Variants in GRB14 observed in about 807,000 individuals in gnomAD.
The protein encoded by GRB14 is growth factor receptor bound protein 14.
A neutral mutation model predicts 69.1 loss-of-function variants in GRB14; 38 were observed. The ratio of observed to expected loss-of-function variants is 0.55; its 90% CI spans 0.42 to 0.72. GRB14 has a LOEUF of 0.72. Among genes scored for constraint, GRB14 ranks in the 30% least tolerant of loss-of-function variants. GRB14 has a pLI of 0.00. For synonymous variants in GRB14, 247 were observed against 241.3 expected, an observed-to-expected ratio of 1.02 and a Z score of -0.22; for missense variants, 666 against 666.1, an observed-to-expected ratio of 1.00 and a Z score of 0.00.
At chr2:164,614,728 T>C (rs1425777580) in intron 2 of GRB14, among the ~76,000 whole-genome samples, 26 of 152,192 alleles carry the variant, frequency 1.7e-4, no homozygotes, top group Non-Finnish European at 5.9e-5. Flanking sequence ...TTCTCTTCTT[T>C]TACTTCTATG....
rs12477157 is a variant in GRB14, at chr2:164,522,840, C to T, written c.679-723G>A. Among the ~76,000 whole-genome samples the T allele has an allele frequency of 9.5e-3, 1,442 of 152,116 alleles. 59 individuals carry two copies. The highest frequency in any genetic ancestry group is 0.076 in the Admixed American group (1,156 of 15,240). ...GAGTCTTTCTCCACTCCCTTGAATG[C>T]GAGCAAGCCTGTCATTGCTTTGACC... On this transcript the variant is annotated intron_variant, in intron 5 of 13. Coordinates refer to ENST00000263915, the MANE Select transcript of GRB14 (RefSeq NM_004490.3).
intron 7 of GRB14, 36 bp from the exon 8 acceptor site, chr2:164,508,586 A>G (rs1208323690): frequency 3.2e-6 from 5 of 1,575,574 alleles, no homozygotes; most frequent in Middle Eastern, 1.7e-4. Context: ...TCGTTAATGC[A>G]TATCTTGAAG....
Position 164,527,138 on chromosome 2 carries a change from G to A in GRB14, c.482-3C>T. 1 of 1,472,370 alleles carries A rather than the reference G, an allele frequency of 6.8e-7. No homozygotes were observed. Among genetic ancestry groups the A allele is most frequent in the Non-Finnish European group, 9.2e-7 (1 of 1,084,774 alleles). The allele number at this position is 1,472,370 out of a possible 1,614,324, so 91.2% of individuals were successfully genotyped here. On this transcript the variant is annotated splice_region_variant and splice_polypyrimidine_tract_variant and intron_variant, in intron 3 of 13. Transcript: ENST00000263915. ...TTCGTGGTCTTCTATTGTTCTTTCT[G>A]TAAAGAATGTTTCAATGAGTATGTT...
chr2:164,512,382 G>T (rs565760932), intron 6 of GRB14, among the ~76,000 whole-genome samples: 9 of 152,110 alleles, frequency 5.9e-5, no homozygotes, highest in Admixed American at 2.0e-4. Flanking sequence ...GGCCAGGCTG[G>T]TCTCTAACTC....
At chr2:164,538,439 C>T (rs765309692) in intron 3 of GRB14, among the ~76,000 whole-genome samples, 2 of 152,172 alleles carry the variant, frequency 1.3e-5, no homozygotes, top group African/African-American at 4.8e-5. Context: ...ATCTGGGGAA[C>T]TATAGTGACA....
At chr2:164,516,560 G>A (rs951695798) in intron 6 of GRB14, among the ~76,000 whole-genome samples, 2 of 151,476 alleles carry the variant, frequency 1.3e-5, no homozygotes, top group Non-Finnish European at 2.9e-5. Flanking sequence ...GGCTAGAAGG[G>A]ATTGGGGCCC....
At position 164,525,085 on chromosome 2, in the gene GRB14, A is replaced by G. The variant is rs1687735351; in HGVS notation, c.604-7T>C. 1 of 1,533,680 alleles carries G rather than the reference A, an allele frequency of 6.5e-7. No individual in the cohort carries two copies. Among genetic ancestry groups the G allele is most frequent in the Non-Finnish European group, 9.0e-7 (1 of 1,115,516 alleles). The stretch of plus-strand genomic sequence containing the variant: ...TATGCTCTGGAAAAAAATACTGTCA[A>G]AAAGACACAGTTAAATTATCACAAA... On this transcript the variant is annotated splice_polypyrimidine_tract_variant and splice_region_variant and intron_variant, in intron 4 of 13. Transcript: ENST00000263915.
intron 2 of GRB14, among the ~76,000 whole-genome samples, chr2:164,555,085 C>A (rs1688644411): frequency 6.6e-6 from 1 of 152,214 alleles, no homozygotes; most frequent in South Asian, 2.1e-4. Context: ...TCTGCATCAC[C>A]TGAAATTCTA....
At chr2:164,553,982 GA>G (rs1217704693) in intron 2 of GRB14, among the ~76,000 whole-genome samples, 2 of 151,968 alleles carry the variant, frequency 1.3e-5, no homozygotes, top group African/African-American at 4.8e-5. Context: ...TATATAAAAG[GA>G]AAAGACAACT....
chr2:164,518,111 T>C (rs1687542594), intron 6 of GRB14, among the ~76,000 whole-genome samples: 1 of 152,206 alleles, frequency 6.6e-6, no homozygotes, highest in African/African-American at 2.4e-5. Flanking sequence ...GTAGACCATA[T>C]GATACGCCAC....
At chr2:164,574,592 G>C (rs934968421) in intron 2 of GRB14, among the ~76,000 whole-genome samples, 5 of 151,990 alleles carry the variant, frequency 3.3e-5, no homozygotes, top group Non-Finnish European at 5.9e-5. Context: ...CCGCACAGAA[G>C]AAAACCAAAA....
rs377565188 is a variant in GRB14, at chr2:164,579,463, A to G, written c.325-31647T>C. 7.9e-5 allele frequency among the ~76,000 whole-genome samples: 12 copies of G among 151,906 alleles called. No homozygotes were observed. In the East Asian group the frequency reaches 1.2e-3, roughly 15 times the overall value. On this transcript the variant is annotated intron_variant, in intron 2 of 13. Coordinates refer to ENST00000263915, the MANE Select transcript of GRB14 (RefSeq NM_004490.3). ...AGCTCAGGGCTCAAGGTGGGAACCT[A>G]CCCTGGCCAGGACCTCATTTTATTA...
At chr2:164,607,030 C>T (rs193107852) in intron 2 of GRB14, among the ~76,000 whole-genome samples, 2 of 152,298 alleles carry the variant, frequency 1.3e-5, no homozygotes, top group Admixed American at 1.3e-4. Context: ...AAGAACAGAA[C>T]CCATTCTGAC....
chr2:164,500,450 A>T (rs73971021), intron 9 of GRB14, among the ~76,000 whole-genome samples: 1 of 152,102 alleles, frequency 6.6e-6, no homozygotes, highest in African/African-American at 2.4e-5. Flanking sequence ...CTAAAAACTT[A>T]TATGTTAATC....
chr2:164,502,920 T>G (rs1423407848), intron 8 of GRB14, among the ~76,000 whole-genome samples: 1 of 152,096 alleles, frequency 6.6e-6, no homozygotes, highest in Non-Finnish European at 1.5e-5. Context: ...GGAATCAAGC[T>G]GATTTCAAAT....
intron 2 of GRB14, among the ~76,000 whole-genome samples, chr2:164,564,677 T>C (rs1688924132): frequency 6.6e-6 from 1 of 152,170 alleles, no homozygotes; most frequent in Non-Finnish European, 1.5e-5. Context: ...TCTCCTGTAA[T>C]TGTAGCATGG....
intron 3 of GRB14, among the ~76,000 whole-genome samples, chr2:164,534,136 A>T (rs1034355393): frequency 6.6e-6 from 1 of 152,216 alleles, no homozygotes; most frequent in Admixed American, 6.5e-5. Flanking sequence ...ATAACATATT[A>T]AGGAAGCTAA....
At chr2:164,500,353 A>G (rs149466861) in intron 9 of GRB14, among the ~76,000 whole-genome samples, 1 of 152,190 alleles carries the variant, frequency 6.6e-6, no homozygotes, top group Non-Finnish European at 1.5e-5. Flanking sequence ...TCCTTTCTCA[A>G]AATGTATACC....
At chr2:164,553,188 G>A (rs1158118611) in intron 2 of GRB14, among the ~76,000 whole-genome samples, 1 of 152,050 alleles carries the variant, frequency 6.6e-6, no homozygotes, top group Non-Finnish European at 1.5e-5. Flanking sequence ...CATTCTGAAG[G>A]CTAAACCAAT....
Sources: allele counts gnomAD v4.1 joint callset (sites outside exome capture counted in the v4.1 genomes callset), GRCh38; gene constraint gnomAD v4.1.1; transcripts MANE v1.5; gene names NCBI Gene and HGNC (gene_info 2026-07-23, HGNC 2026-07-21).